The following CDA variants were observed in gnomAD, a reference collection of about 807,000 sequenced individuals.
CDA encodes cytidine deaminase.
In CDA, 7 loss-of-function variants were observed where a neutral mutation model predicts 15.0. The ratio of observed to expected loss-of-function variants is 0.47; its 90% CI spans 0.26 to 0.87. CDA has a LOEUF of 0.87. Ranked by LOEUF, CDA falls within the 40% of genes least tolerant of loss-of-function variation. The probability of loss-of-function intolerance (pLI) is 0.15; values close to 1 mark genes in which losing one functional copy is unlikely to be tolerated. For synonymous variants in CDA, 58 were observed against 73.0 expected (o/e 0.79, Z 1.05); for missense variants, 159 against 182.7 (o/e 0.87, Z 0.75).
At chr1:20,606,440 C>G (rs1339554415) in intron 2 of CDA, among the ~76,000 whole-genome samples, 1 of 152,062 alleles carries the variant, frequency 6.6e-6, no homozygotes, top group Non-Finnish European at 1.5e-5. Context: ...AGTTGAACAA[C>G]TTTCCTGGGA....
intron 2 of CDA, among the ~76,000 whole-genome samples, chr1:20,605,616 C>T (rs2052689023): frequency 8.3e-6 from 1 of 120,032 alleles, no homozygotes; most frequent in African/African-American, 2.9e-5. Flanking sequence ...GCCGAGATGG[C>T]GCCACTGCAC....
chr1:20,603,042 T>C (rs1288785589), intron 1 of CDA, among the ~76,000 whole-genome samples: 1 of 152,206 alleles, frequency 6.6e-6, no homozygotes, highest in African/African-American at 2.4e-5. Context: ...CAGTGGTGGG[T>C]ACCACGGCCT....
chr1:20,609,169 A>G (rs2052723028), intron 2 of CDA, among the ~76,000 whole-genome samples: 1 of 152,122 alleles, frequency 6.6e-6, no homozygotes, highest in Non-Finnish European at 1.5e-5. Context: ...GCCATTGGGT[A>G]GTGGGCCACA....
chr1:20,608,449 G>A (rs868011716), intron 2 of CDA, among the ~76,000 whole-genome samples: 21 of 150,288 alleles, frequency 1.4e-4, no homozygotes, highest in Admixed American at 3.3e-4. Context: ...TCTCTGTGCC[G>A]CCCAGGCTGG....
chr1:20,617,682 T>C (rs1179678280), intron 3 of CDA, among the ~76,000 whole-genome samples: 1 of 147,856 alleles, frequency 6.8e-6, no homozygotes, highest in African/African-American at 2.5e-5. Flanking sequence ...TAAACCTCCT[T>C]TTTTATTTTA....
intron 1 of CDA, among the ~76,000 whole-genome samples, chr1:20,603,148 G>A (rs576526818): frequency 5.9e-5 from 9 of 152,260 alleles, no homozygotes; most frequent in Admixed American, 3.9e-4. Context: ...TCTCCTTTGC[G>A]TTGCTCAACC....
intron 2 of CDA, among the ~76,000 whole-genome samples, chr1:20,613,206 A>ATTTT (rs34293111): frequency 6.8e-6 from 1 of 147,258 alleles, no homozygotes; most frequent in Non-Finnish European, 1.5e-5. Flanking sequence ...TCCTTCTGCA[A>ATTTT]TTTTTTTTTT....
intron 1 of CDA, among the ~76,000 whole-genome samples, chr1:20,594,813 TAAAAGAA>T (rs1360384334): frequency 6.9e-6 from 1 of 144,336 alleles, no homozygotes; most frequent in Non-Finnish European, 1.5e-5. Context: ...GAAAGAAAGA[TAAAAGAA>T]AAGAAAGAAA....
intron 2 of CDA, 39 bp from the exon 3 acceptor site, chr1:20,613,803 G>T: frequency 6.3e-7 from 1 of 1,593,092 alleles, no homozygotes; most frequent in South Asian, 1.1e-5. Context: ...CTCAGTCCTT[G>T]GGAGAGACTA....
intron 1 of CDA, among the ~76,000 whole-genome samples, chr1:20,591,107 AG>A (rs1445725882): frequency 9.2e-5 from 14 of 152,302 alleles, no homozygotes; most frequent in African/African-American, 3.4e-4. Flanking sequence ...TGGGAGGCCG[AG>A]GCAGGCGGAT....
At chr1:20,617,670 A>G (rs1222620483) in intron 3 of CDA, among the ~76,000 whole-genome samples, 1 of 151,270 alleles carries the variant, frequency 6.6e-6, no homozygotes, top group Non-Finnish European at 1.5e-5. Flanking sequence ...CTGTGAGTCC[A>G]TTAAACCTCC....
rs2052844963 is a variant in CDA, at chr1:20,618,738, C to A, written c.*170C>A. 6.3e-6 allele frequency: 4 copies of A among 636,834 alleles called. No individual in the cohort carries two copies. In the South Asian group the frequency reaches 6.6e-5, roughly 11 times the overall value. The allele number at this position is 636,834 out of a possible 1,614,324, so 39.4% of individuals were successfully genotyped here. ...GTCAGCACCCCTCCTAGCAACCTGC[C>A]TTGGGACTTAGAACACCGCCGCCCC... On this transcript the variant is annotated 3_prime_UTR_variant, in exon 4 of 4. Coordinates refer to ENST00000375071, the MANE Select transcript of CDA (RefSeq NM_001785.3).
At chr1:20,611,157 T>C (rs1232327526) in intron 2 of CDA, among the ~76,000 whole-genome samples, 1 of 152,130 alleles carries the variant, frequency 6.6e-6, no homozygotes, top group African/African-American at 2.4e-5. Flanking sequence ...GGAGGAGCCT[T>C]TGAGGCCAGG....
At chr1:20,614,359 C>T (rs189698546) in intron 3 of CDA, among the ~76,000 whole-genome samples, 240 of 152,134 alleles carry the variant, frequency 1.6e-3, no homozygotes, top group African/African-American at 5.6e-3. Flanking sequence ...CAGCAAACAA[C>T]AGCCCTTGGG....
At chr1:20,601,938 G>A (rs2052647846) in intron 1 of CDA, among the ~76,000 whole-genome samples, 1 of 152,004 alleles carries the variant, frequency 6.6e-6, no homozygotes, top group South Asian at 2.1e-4. Flanking sequence ...AGACTGGCCT[G>A]GGCAACCCCA....
intron 1 of CDA, among the ~76,000 whole-genome samples, chr1:20,591,488 C>T (rs1477139144): frequency 6.6e-6 from 1 of 152,246 alleles, no homozygotes; most frequent in African/African-American, 2.4e-5. Flanking sequence ...AACATCAACT[C>T]TGTTCCAGGT....
At chr1:20,592,134 C>G (rs2052555520) in intron 1 of CDA, among the ~76,000 whole-genome samples, 1 of 152,140 alleles carries the variant, frequency 6.6e-6, no homozygotes, top group Admixed American at 6.5e-5. Flanking sequence ...CCGCACCCAG[C>G]CAGCTCACAC....
chr1:20,607,853 G>C (rs2052708612), intron 2 of CDA, among the ~76,000 whole-genome samples: 1 of 152,198 alleles, frequency 6.6e-6, no homozygotes, highest in Non-Finnish European at 1.5e-5. Flanking sequence ...AGATGGGTCT[G>C]AGCAACCTCA....
intron 2 of CDA, among the ~76,000 whole-genome samples, chr1:20,609,610 C>A (rs1026722273): frequency 6.6e-6 from 1 of 152,226 alleles, no homozygotes; most frequent in Non-Finnish European, 1.5e-5. Flanking sequence ...CCTAACCATG[C>A]CTTTGTTACG....
Sources: allele counts gnomAD v4.1 joint callset (sites outside exome capture counted in the v4.1 genomes callset), GRCh38; gene constraint gnomAD v4.1.1; transcripts MANE v1.5; gene names NCBI Gene and HGNC (gene_info 2026-07-23, HGNC 2026-07-21).